The following HPSE2 variants were observed in gnomAD, a reference collection of about 807,000 sequenced individuals.
HPSE2 encodes the protein heparanase 2 (inactive), also known as inactive heparanase-2.
HPSE2 carries 38 observed loss-of-function variants against 60.5 expected under a neutral mutation model. The ratio of observed to expected loss-of-function variants is 0.63; its 90% CI spans 0.48 to 0.82. HPSE2 has a LOEUF of 0.82. Among genes scored for constraint, HPSE2 ranks in the 40% least tolerant of loss-of-function variants. HPSE2 has a pLI of 0.00. For synonymous variants in HPSE2, 295 were observed against 293.2 expected, an observed-to-expected ratio of 1.01 and a Z score of -0.06; for missense variants, 713 against 740.4, an observed-to-expected ratio of 0.96 and a Z score of 0.43.
At chr10:98,875,935 G>A (rs181783453) in intron 3 of HPSE2, among the ~76,000 whole-genome samples, 137 of 151,932 alleles carry the variant, frequency 9.0e-4, no homozygotes, top group African/African-American at 3.0e-3. Flanking sequence ...GGCATTACAG[G>A]CTTTGAAGTC....
At chr10:98,694,837 AACCAAAAGG>A (rs1948170162) in intron 5 of HPSE2, among the ~76,000 whole-genome samples, 2 of 152,208 alleles carry the variant, frequency 1.3e-5, no homozygotes, top group Admixed American at 1.3e-4. Flanking sequence ...AGGCACAGGA[AACCAAAAGG>A]AGTATCTCAG....
intron 1 of HPSE2, among the ~76,000 whole-genome samples, chr10:99,234,394 G>A (rs2133956360): frequency 6.6e-6 from 1 of 152,336 alleles, no homozygotes; most frequent in East Asian, 1.9e-4. Flanking sequence ...TTCGCAAGGA[G>A]TGAAAAATAC....
chr10:99,158,479 CATT>C lies in HPSE2; in HGVS notation c.449-14083_449-14081del, dbSNP rs1292194026. Reference sequence around the variant, plus strand: ...GGACATGGATGAAATTGGAAATCATCATTCTCAGTAAACTATCGCAAGAACAAA... The same window carrying C: ...GGACATGGATGAAATTGGAAATCATCCTCAGTAAACTATCGCAAGAACAAA... On this transcript the variant is annotated intron_variant, in intron 2 of 11. Coordinates refer to ENST00000370552, the MANE Select transcript of HPSE2 (RefSeq NM_021828.5). Among the ~76,000 whole-genome samples the C allele has an allele frequency of 1.7e-4, 21 of 124,104 alleles. No individual in the cohort carries two copies. In the East Asian group the frequency reaches 4.3e-3, roughly 25 times the overall value. 81.4% of individuals were successfully genotyped at this position (124,104 alleles called of 152,430 possible).
At chr10:98,981,937 C>T (rs1956216822) in intron 3 of HPSE2, among the ~76,000 whole-genome samples, 1 of 152,118 alleles carries the variant, frequency 6.6e-6, no homozygotes, top group Non-Finnish European at 1.5e-5. Context: ...ACCCTCCTTA[C>T]TGGCCTCTTT....
the HPSE2 span, among the ~76,000 whole-genome samples, chr10:99,246,461 T>G: frequency 6.6e-6 from 1 of 152,182 alleles, no homozygotes; most frequent in East Asian, 1.9e-4. Context: ...TAAAATCAAT[T>G]TGTGGCCGTG....
chr10:98,532,335 A>C, intron 9 of HPSE2, among the ~76,000 whole-genome samples: 1 of 152,312 alleles, frequency 6.6e-6, no homozygotes, highest in East Asian at 1.9e-4. Context: ...TGAAATGCCT[A>C]TTGCTATAAA....
At chr10:99,176,358 G>A (rs1589776777) in intron 2 of HPSE2, among the ~76,000 whole-genome samples, 1 of 152,108 alleles carries the variant, frequency 6.6e-6, no homozygotes, top group Non-Finnish European at 1.5e-5. Context: ...CCAATGCAAG[G>A]AAGCTAGGAA....
intron 5 of HPSE2, among the ~76,000 whole-genome samples, chr10:98,697,500 G>C (rs1403549862): frequency 6.6e-6 from 1 of 152,124 alleles, no homozygotes; most frequent in Admixed American, 6.5e-5. Flanking sequence ...GGGAAATATG[G>C]GACTATGTAA....
intron 3 of HPSE2, among the ~76,000 whole-genome samples, chr10:98,802,170 A>C (rs1370895548): frequency 6.6e-6 from 1 of 152,142 alleles, no homozygotes; most frequent in Non-Finnish European, 1.5e-5. Flanking sequence ...TCTCACAAAA[A>C]TAAAATCAAA....
intron 3 of HPSE2, among the ~76,000 whole-genome samples, chr10:99,098,901 T>C (rs1843825261): frequency 2.0e-5 from 3 of 152,192 alleles, no homozygotes; most frequent in Admixed American, 6.5e-5. Flanking sequence ...AAAGAGCAGG[T>C]CTGATTTTAA....
chr10:99,234,542 G>A (rs1181212187), intron 1 of HPSE2, among the ~76,000 whole-genome samples: 3 of 152,172 alleles, frequency 2.0e-5, no homozygotes, highest in Non-Finnish European at 4.4e-5. Context: ...ACATTGCAGA[G>A]GATTTATTTC....
At chr10:98,733,599 T>C (rs1375814711) in intron 4 of HPSE2, among the ~76,000 whole-genome samples, 2 of 152,224 alleles carry the variant, frequency 1.3e-5, no homozygotes, top group Non-Finnish European at 2.9e-5. Context: ...GTCACCTCTT[T>C]GAATGTGTTT....
chr10:99,019,721 T>C (rs1957220143), intron 3 of HPSE2, among the ~76,000 whole-genome samples: 1 of 151,698 alleles, frequency 6.6e-6, no homozygotes, highest in Non-Finnish European at 1.5e-5. Flanking sequence ...TTGTTGTTTT[T>C]TTTTTTGAGA....
In HPSE2 at chr10:98,574,350, C is replaced by T. The variant is rs182641525; in HGVS notation, c.1320+40554G>A. Among the ~76,000 whole-genome samples the T allele has an allele frequency of 8.2e-4, 125 of 151,584 alleles. 1 individual carries two copies. The highest frequency in any genetic ancestry group is 6.7e-3 in the South Asian group (32 of 4,764). On this transcript the variant is annotated intron_variant, in intron 9 of 11. Coordinates refer to ENST00000370552, the MANE Select transcript of HPSE2 (RefSeq NM_021828.5). ...ATCAAAATGATAAAAGAAGAGAACC[C>T]CAGGGAGGGGGAGAGAGGAATAAGA... is the stretch of plus-strand genomic sequence containing the variant.
intron 3 of HPSE2, among the ~76,000 whole-genome samples, chr10:99,076,798 T>C (rs1245284405): frequency 6.6e-6 from 1 of 152,242 alleles, no homozygotes; most frequent in Non-Finnish European, 1.5e-5. Context: ...TTACCTTTAC[T>C]AGCAAATTTT....
At chr10:98,553,593 C>T (rs1027501456) in intron 9 of HPSE2, among the ~76,000 whole-genome samples, 1 of 152,204 alleles carries the variant, frequency 6.6e-6, no homozygotes, top group African/African-American at 2.4e-5. Flanking sequence ...TCTGTTCCAG[C>T]TGAATTTTCT....
chr10:98,846,896 AG>A (rs1317317973), intron 3 of HPSE2, among the ~76,000 whole-genome samples: 1 of 152,186 alleles, frequency 6.6e-6, no homozygotes, highest in East Asian at 1.9e-4. Flanking sequence ...CCAATGACAG[AG>A]TTCACACTTA....
intron 2 of HPSE2, among the ~76,000 whole-genome samples, chr10:99,205,215 A>C (rs1848705599): frequency 6.6e-6 from 1 of 152,234 alleles, no homozygotes; most frequent in South Asian, 2.1e-4. Flanking sequence ...TGTAACAAAG[A>C]AGCACGTGTA....
chr10:98,607,696 TA>T (rs1392778345), intron 9 of HPSE2, among the ~76,000 whole-genome samples: 1 of 152,234 alleles, frequency 6.6e-6, no homozygotes, highest in African/African-American at 2.4e-5. Context: ...TAGAAAATTA[TA>T]AAAAGTTAAA....
Sources: allele counts gnomAD v4.1 joint callset (sites outside exome capture counted in the v4.1 genomes callset), GRCh38; gene constraint gnomAD v4.1.1; transcripts MANE v1.5; gene names NCBI Gene and HGNC (gene_info 2026-07-23, HGNC 2026-07-21).